Variants in ZSCAN30 observed in about 807,000 individuals in gnomAD.
ZSCAN30 encodes the protein zinc finger and SCAN domain containing 30, also known as zinc finger and SCAN domain-containing protein 30.
In ZSCAN30, 37 loss-of-function variants were observed where a neutral mutation model predicts 44.3. The observed-to-expected ratio is 0.84, with a 90% CI of 0.64 to 1.10. ZSCAN30 has a LOEUF of 1.10. Ranked by LOEUF, ZSCAN30 falls within the 50% of genes least tolerant of loss-of-function variation. ZSCAN30 has a pLI of 0.00. For missense variants in ZSCAN30, 549 were observed against 582.6 expected, an observed-to-expected ratio of 0.94 and a Z score of 0.59; for synonymous variants, 181 against 204.6, an observed-to-expected ratio of 0.88 and a Z score of 0.98.
intron 3 of ZSCAN30, among the ~76,000 whole-genome samples, chr18:35,254,797 C>A (rs2043739122): frequency 6.6e-6 from 1 of 152,132 alleles, no homozygotes; most frequent in Non-Finnish European, 1.5e-5. Context: ...AATCTGTGGT[C>A]TTCTATCAAT....
intron 1 of ZSCAN30, among the ~76,000 whole-genome samples, chr18:35,274,762 C>T (rs572698695): frequency 2.6e-5 from 4 of 152,274 alleles, no homozygotes; most frequent in African/African-American, 9.6e-5. Flanking sequence ...CTTGACAGTT[C>T]TAATGCCTTC....
chr18:35,270,603 C>T (rs924620219), intron 1 of ZSCAN30, among the ~76,000 whole-genome samples: 3 of 152,064 alleles, frequency 2.0e-5, no homozygotes, highest in Admixed American at 6.5e-5. Flanking sequence ...TTTTTTGAGA[C>T]AGGGTCTCAC....
At chr18:35,270,725 C>G (rs1263854996) in intron 1 of ZSCAN30, among the ~76,000 whole-genome samples, 1 of 152,326 alleles carries the variant, frequency 6.6e-6, no homozygotes, top group South Asian at 2.1e-4. Context: ...GGATTACAGG[C>G]ACAGGCCACT....
intron 3 of ZSCAN30, chr18:35,254,663 C>T (rs569071628): frequency 2.9e-5 from 14 of 479,592 alleles, no homozygotes; most frequent in Admixed American, 1.0e-4. Context: ...GGAATATTGG[C>T]GATAAACCAG....
In ZSCAN30 at chr18:35,253,363, C is replaced by T. The variant is rs917182659; in HGVS notation, c.*87G>A. On this transcript the variant is annotated 3_prime_UTR_variant, in exon 4 of 4. Coordinates refer to ENST00000333206, the MANE Select transcript of ZSCAN30 (RefSeq NM_001112734.4). ...CTGGGAGGGAAGGACAGAAGTTCTG[C>T]TCTCAGGAAACTTTTCTTTTCTGTG... 17 of 1,120,670 alleles carry T rather than the reference C, an allele frequency of 1.5e-5. No homozygotes were observed. The highest frequency in any genetic ancestry group is 1.9e-5 in the Non-Finnish European group (15 of 793,026). The allele number at this position is 1,120,670 out of a possible 1,614,324, so 69.4% of individuals were successfully genotyped here.
rs542680930 is a variant in ZSCAN30 at position 35,277,218 on chromosome 18, G to T, written c.-103-12763C>A. ...TTACTTTTGATTTTACAGGCTCATA[G>T]GCAGAAGGGATTTGCCTTGTCTCAG... is the stretch of plus-strand genomic sequence containing the variant. On this transcript the variant is annotated intron_variant, in intron 1 of 3. Coordinates refer to ENST00000333206, the MANE Select transcript of ZSCAN30 (RefSeq NM_001112734.4). Among the ~76,000 whole-genome samples the T allele has an allele frequency of 6.6e-5, 10 of 152,290 alleles. No individual in the cohort carries two copies. In the South Asian group the frequency reaches 8.3e-4, roughly 13 times the overall value.
At chr18:35,275,489 TCAGTTTCCCA>T (rs2044353280) in intron 1 of ZSCAN30, among the ~76,000 whole-genome samples, 1 of 152,224 alleles carries the variant, frequency 6.6e-6, no homozygotes, top group African/African-American at 2.4e-5. Flanking sequence ...TGGAATGTCC[TCAGTTTCCCA>T]CTAACTTACC....
intron 1 of ZSCAN30, among the ~76,000 whole-genome samples, chr18:35,271,752 A>AG (rs1402819961): frequency 2.0e-5 from 3 of 152,224 alleles, no homozygotes; most frequent in South Asian, 2.1e-4. Context: ...CATTGCGGGG[A>AG]GGGGGGGCGC....
At chr18:35,268,395 G>A (rs538783737) in intron 1 of ZSCAN30, 5 of 152,360 alleles carry the variant, frequency 3.3e-5, no homozygotes, top group African/African-American at 1.2e-4. Context: ...TTAGCAAAAT[G>A]TAATAATCTG....
In ZSCAN30 at chr18:35,263,547, A is replaced by G. The variant is rs762719632; in HGVS notation, c.519T>C (p.Thr173=). The change falls in exon 3 of 4, where the codon ACT becomes ACC. Residue 173 remains threonine, a synonymous_variant. Coordinates refer to ENST00000333206, the MANE Select transcript of ZSCAN30 (RefSeq NM_001112734.4). ...PVQPLENQCK[T]ETQESQAFQE... is the part of the protein sequence containing the mutation. ...GGAAAGCCTGGGACTCCTGAGTCTC[A>G]GTCTTGCACTGGTTCTCTAAGGGCT... 8.7e-6 allele frequency: 14 copies of G among 1,614,184 alleles called. No individual in the cohort carries two copies. Among genetic ancestry groups the G allele is most frequent in the Admixed American group, 5.0e-5 (3 of 60,022 alleles).
chr18:35,281,657 A>C (rs952567773), intron 1 of ZSCAN30: 2 of 152,226 alleles, frequency 1.3e-5, no homozygotes, highest in African/African-American at 4.8e-5. Flanking sequence ...CTGATTACCA[A>C]AAGAATTATA....
At chr18:35,273,021 G>A (rs1368975281) in intron 1 of ZSCAN30, among the ~76,000 whole-genome samples, 4 of 152,146 alleles carry the variant, frequency 2.6e-5, no homozygotes, top group South Asian at 4.1e-4. Context: ...CAACACATGG[G>A]AATTATGGGA....
chr18:35,278,030 A>G (rs1159843749), intron 1 of ZSCAN30, among the ~76,000 whole-genome samples: 1 of 152,042 alleles, frequency 6.6e-6, no homozygotes, highest in Non-Finnish European at 1.5e-5. Flanking sequence ...GTTGTACTTC[A>G]CTTTTATTCA....
chr18:35,279,756 G>A (rs1332723435), intron 1 of ZSCAN30, among the ~76,000 whole-genome samples: 1 of 152,138 alleles, frequency 6.6e-6, no homozygotes, highest in Non-Finnish European at 1.5e-5. Flanking sequence ...TAAAGGCTCT[G>A]CCCTTATAAC....
rs530837960 is a variant in ZSCAN30, at chr18:35,251,703, G to C, written c.*1747C>G. On this transcript the variant is annotated 3_prime_UTR_variant, in exon 4 of 4. Coordinates refer to ENST00000333206, the MANE Select transcript of ZSCAN30 (RefSeq NM_001112734.4). ...CCCCTGCACTCTCTCTTGCCACCTT[G>C]TGAAGAAGGTGCTTGCTTCCCCTTC... is the stretch of plus-strand genomic sequence containing the variant. 6.6e-6 allele frequency: 1 copy of C among 152,214 alleles called. No individual in the cohort carries two copies. Among genetic ancestry groups the C allele is most frequent in the South Asian group, 2.1e-4 (1 of 4,844 alleles). 9.4% of individuals were successfully genotyped at this position (152,214 alleles called of 1,614,324 possible).
chr18:35,281,383 CT>C (rs2044452464), intron 1 of ZSCAN30: 1 of 152,172 alleles, frequency 6.6e-6, no homozygotes, highest in African/African-American at 2.4e-5. Flanking sequence ...GCTCATCAAA[CT>C]CACACACAGA....
chr18:35,268,907 G>GA (rs1902568508), intron 1 of ZSCAN30: 1 of 152,220 alleles, frequency 6.6e-6, no homozygotes, highest in African/African-American at 2.4e-5. Flanking sequence ...GAAGATGGAA[G>GA]AAAAGAGATA....
intron 1 of ZSCAN30, chr18:35,280,842 C>T (rs1275848190): frequency 6.6e-6 from 1 of 152,326 alleles, no homozygotes; most frequent in East Asian, 1.9e-4. Flanking sequence ...TGTGGCTTCA[C>T]AATTTTGATT....
chr18:35,276,851 C>G (rs1269949191), intron 1 of ZSCAN30, among the ~76,000 whole-genome samples: 1 of 152,122 alleles, frequency 6.6e-6, no homozygotes, highest in Non-Finnish European at 1.5e-5. Context: ...TCCTCCAGAC[C>G]CCAGAATGTT....
Sources: allele counts gnomAD v4.1 joint callset (sites outside exome capture counted in the v4.1 genomes callset), GRCh38; gene constraint gnomAD v4.1.1; transcripts MANE v1.5; gene names NCBI Gene and HGNC (gene_info 2026-07-23, HGNC 2026-07-21).